The following NIPBL variants were observed in gnomAD, a reference collection of about 807,000 sequenced individuals.
NIPBL encodes the protein nipped-B-like protein.
Under a neutral mutation model 321.8 loss-of-function variants are expected in NIPBL, and 19 were observed. The ratio of observed to expected loss-of-function variants is 0.06; its 90% CI spans 0.04 to 0.09. The LOEUF (loss-of-function observed/expected upper bound fraction) is 0.09. NIPBL is among the 10% of genes least tolerant of loss of function. NIPBL has a pLI of 1.00. For missense variants in NIPBL, 2,210 were observed against 3,327.0 expected (o/e 0.66, Z 8.26); for synonymous variants, 1,106 against 1,114.1 (o/e 0.99, Z 0.14).
At chr5:36,908,771 A>G (rs527756145) in intron 1 of NIPBL, among the ~76,000 whole-genome samples, 6 of 152,248 alleles carry the variant, frequency 3.9e-5, no homozygotes, top group Non-Finnish European at 8.8e-5. Context: ...GGTCTGTACC[A>G]GTAAGCCACA....
intron 42 of NIPBL, among the ~76,000 whole-genome samples, chr5:37,055,580 A>G (rs1169987995): frequency 6.6e-6 from 1 of 152,060 alleles, no homozygotes; most frequent in Non-Finnish European, 1.5e-5. Flanking sequence ...AAAACTTAGG[A>G]AGAAGATTTC....
chr5:36,941,656 G>A (rs1739075900), intron 1 of NIPBL, among the ~76,000 whole-genome samples: 2 of 151,988 alleles, frequency 1.3e-5, no homozygotes, highest in Non-Finnish European at 2.9e-5. Context: ...GTTTCCATTA[G>A]CCTTCTACTC....
At chr5:37,049,466 C>G (rs1753301084) in intron 40 of NIPBL, among the ~76,000 whole-genome samples, 165 bp downstream of exon 40, 1 of 152,158 alleles carries the variant, frequency 6.6e-6, no homozygotes, top group Admixed American at 6.5e-5. Flanking sequence ...GTTATGATTA[C>G]TGCAAAATAC....
chr5:36,886,487 T>C, intron 1 of NIPBL: 1 of 760,518 alleles, frequency 1.3e-6, no homozygotes. Flanking sequence ...ACCAAAGTTC[T>C]GAGACATTAA....
At chr5:37,027,602 G>GTT (rs1750440505) in intron 32 of NIPBL, among the ~76,000 whole-genome samples, 190 bp downstream of exon 32, 1 of 111,054 alleles carries the variant, frequency 9.0e-6, no homozygotes, top group Non-Finnish European at 1.8e-5. Context: ...GCCTGGTTGT[G>GTT]GTTTTTTTTT....
intron 34 of NIPBL, among the ~76,000 whole-genome samples, chr5:37,044,109 A>G (rs1752731949): frequency 6.6e-6 from 1 of 152,222 alleles, no homozygotes; most frequent in African/African-American, 2.4e-5. Context: ...GGGAAAAAAT[A>G]TAACATTGTG....
intron 30 of NIPBL, among the ~76,000 whole-genome samples, chr5:37,024,941 T>C (rs1316465670): frequency 6.6e-6 from 1 of 152,184 alleles, no homozygotes; most frequent in African/African-American, 2.4e-5. Flanking sequence ...AGTGGTAATA[T>C]TTATTTAAGA....
intron 1 of NIPBL, among the ~76,000 whole-genome samples, chr5:36,883,091 G>C (rs1290351870): frequency 2.0e-5 from 3 of 151,708 alleles, no homozygotes; most frequent in Non-Finnish European, 4.4e-5. Flanking sequence ...TTAAAAAAAT[G>C]ATCAGTCATG....
intron 1 of NIPBL, among the ~76,000 whole-genome samples, chr5:36,915,101 A>G (rs1437333743): frequency 6.6e-6 from 1 of 152,030 alleles, no homozygotes; most frequent in East Asian, 1.9e-4. Flanking sequence ...TGGGCACTTA[A>G]TTAGTTAGAC....
intron 32 of NIPBL, among the ~76,000 whole-genome samples, chr5:37,035,942 A>G: frequency 6.6e-6 from 1 of 152,180 alleles, no homozygotes; most frequent in East Asian, 1.9e-4. Flanking sequence ...AATGCAGAAA[A>G]GAAATCTACC....
chr5:36,885,052 G>A (rs181943127), intron 1 of NIPBL, among the ~76,000 whole-genome samples: 5 of 152,112 alleles, frequency 3.3e-5, no homozygotes, highest in Admixed American at 1.3e-4. Flanking sequence ...TTAATCTTTG[G>A]ATTTATTGCA....
At chr5:36,995,494 G>A in intron 10 of NIPBL, 128 bp from the exon 11 acceptor site, 1 of 654,052 alleles carries the variant, frequency 1.5e-6, no homozygotes, top group Middle Eastern at 3.5e-4. Flanking sequence ...TATTATAGTT[G>A]TGTTTTATTA....
chr5:36,995,600 TA>T, intron 10 of NIPBL, 21 bp from the exon 11 acceptor site: 1 of 1,554,990 alleles, frequency 6.4e-7, no homozygotes, highest in Non-Finnish European at 8.8e-7. Flanking sequence ...ATTTTTTTTT[TA>T]AATTTACCTT....
chr5:36,972,120 T>G, intron 8 of NIPBL, 79 bp downstream of exon 8: 1 of 911,970 alleles, frequency 1.1e-6, no homozygotes, highest in Non-Finnish European at 1.7e-6. Context: ...CTAAAGCAGA[T>G]ATTAAAAAGT....
chr5:37,032,121 T>G (rs1751098713), intron 32 of NIPBL, among the ~76,000 whole-genome samples: 1 of 152,174 alleles, frequency 6.6e-6, no homozygotes, highest in Non-Finnish European at 1.5e-5. Flanking sequence ...ATTCTGTATT[T>G]TAACAGTCTC....
At chr5:36,929,222 G>A (rs1749592797) in intron 1 of NIPBL, among the ~76,000 whole-genome samples, 2 of 151,962 alleles carry the variant, frequency 1.3e-5, no homozygotes, top group Non-Finnish European at 1.5e-5. Flanking sequence ...GTATCATTGT[G>A]GTTTCAGTGA....
intron 1 of NIPBL, among the ~76,000 whole-genome samples, chr5:36,877,689 G>A (rs1745199673): frequency 2.6e-5 from 4 of 152,224 alleles, no homozygotes; most frequent in Admixed American, 2.6e-4. Context: ...ATGAAGGGAG[G>A]AAGTAGTTTC....
intron 29 of NIPBL, 144 bp from the exon 30 acceptor site, chr5:37,024,441 G>T: frequency 1.7e-6 from 1 of 594,442 alleles, no homozygotes; most frequent in South Asian, 2.5e-5. Context: ...TATAGTAGCA[G>T]AAAGCATGTA....
intron 9 of NIPBL, among the ~76,000 whole-genome samples, chr5:36,978,701 C>A (rs1249383696): frequency 1.3e-5 from 2 of 151,838 alleles, no homozygotes; most frequent in Non-Finnish European, 2.9e-5. Flanking sequence ...AGGTTTTCTT[C>A]TAGGATTTTT....
Sources: allele counts gnomAD v4.1 joint callset (sites outside exome capture counted in the v4.1 genomes callset), GRCh38; gene constraint gnomAD v4.1.1; transcripts MANE v1.5; gene names NCBI Gene and HGNC (gene_info 2026-07-23, HGNC 2026-07-21).